Variants in IQGAP1 observed in about 807,000 individuals in gnomAD.
The protein encoded by IQGAP1 is IQ motif containing GTPase activating protein 1, also known as ras GTPase-activating-like protein IQGAP1.
IQGAP1 carries 66 observed loss-of-function variants against 215.6 expected under a neutral mutation model. That is an observed-to-expected ratio of 0.31 (90% CI 0.25 to 0.38). The LOEUF (loss-of-function observed/expected upper bound fraction) is 0.38. Among genes scored for constraint, IQGAP1 ranks in the 10% least tolerant of loss-of-function variants. The pLI is 1.00. For missense variants in IQGAP1, 1,712 were observed against 1,997.1 expected (o/e 0.86, Z 2.72); for synonymous variants, 772 against 728.7 (o/e 1.06, Z -0.96).
chr15:90,480,280 G>A (rs776758572), intron 26 of IQGAP1, among the ~76,000 whole-genome samples: 1 of 151,308 alleles, frequency 6.6e-6, no homozygotes, highest in Non-Finnish European at 1.5e-5. Context: ...ACCAGTGACT[G>A]TGAGGGATGG....
intron 4 of IQGAP1, 79 bp downstream of exon 4, chr15:90,429,745 C>T: frequency 2.5e-6 from 2 of 793,808 alleles, no homozygotes; most frequent in Non-Finnish European, 2.0e-6. Flanking sequence ...TCTCATTCTA[C>T]CTGTAAAATT....
chr15:90,421,796 G>A (rs1965140329), intron 2 of IQGAP1, among the ~76,000 whole-genome samples: 1 of 152,156 alleles, frequency 6.6e-6, no homozygotes, highest in South Asian at 2.1e-4. Flanking sequence ...TAGTGGCTGG[G>A]ATTGCAGGCA....
chr15:90,389,887 C>T (rs796638542), intron 1 of IQGAP1, among the ~76,000 whole-genome samples: 6 of 148,378 alleles, frequency 4.0e-5, no homozygotes, highest in African/African-American at 9.9e-5. Context: ...CCCAGAAAGT[C>T]GAGGCTGCAG....
In IQGAP1 at chr15:90,473,879, G is replaced by A. The variant is rs1378686631; in HGVS notation, c.2434-17G>A. Reference sequence around the variant, plus strand: ...AGATGAAGGACTCTTCTAATTTCCAGGATCCCTTTTCCACAGATTCAGTCC... The same window carrying A: ...AGATGAAGGACTCTTCTAATTTCCAAGATCCCTTTTCCACAGATTCAGTCC... On this transcript the variant is annotated splice_polypyrimidine_tract_variant and intron_variant, in intron 20 of 37. Transcript: ENST00000268182. The A allele has an allele frequency of 6.2e-7, 1 of 1,613,566 alleles. No individual in the cohort carries two copies. Among genetic ancestry groups the A allele is most frequent in the Admixed American group, 1.7e-5 (1 of 59,958 alleles).
At position 90,474,857 on chromosome 15, in the gene IQGAP1, GGTT is replaced by G. The variant is rs988249349; in HGVS notation, c.2784+167_2784+169del. 3 of 602,074 alleles carry G rather than the reference GGTT, an allele frequency of 5.0e-6. No individual in the cohort carries two copies. The African/African-American group carries it at 5.6e-5, about 11-fold the overall frequency. The allele number at this position is 602,074 out of a possible 1,614,324, so 37.3% of individuals were successfully genotyped here. On this transcript the variant is annotated intron_variant, in intron 23 of 37. Transcript: ENST00000268182. The stretch of plus-strand genomic sequence containing the variant: ...TGACTGAGTCTCACTCTGTTGCCCA[GGTT>G]GTAGTGCGATGTGATCTCAGCTCAC...
chr15:90,436,912 A>G (rs991074471), intron 5 of IQGAP1, among the ~76,000 whole-genome samples: 4 of 152,232 alleles, frequency 2.6e-5, no homozygotes, highest in African/African-American at 9.6e-5. Context: ...AGCACCTTTA[A>G]TTTACCACTG....
intron 4 of IQGAP1, among the ~76,000 whole-genome samples, chr15:90,433,052 T>C (rs1965324155): frequency 6.6e-6 from 1 of 152,198 alleles, no homozygotes; most frequent in South Asian, 2.1e-4. Flanking sequence ...CCTGCCTTCG[T>C]GTGGCTTATA....
chr15:90,432,813 T>C (rs1262910959), intron 4 of IQGAP1, among the ~76,000 whole-genome samples: 1 of 152,204 alleles, frequency 6.6e-6, no homozygotes, highest in East Asian at 1.9e-4. Context: ...ATTCAGTCTT[T>C]TGCTTCTCCG....
intron 5 of IQGAP1, among the ~76,000 whole-genome samples, chr15:90,437,778 A>T (rs927466620): frequency 6.6e-6 from 1 of 152,172 alleles, no homozygotes; most frequent in Non-Finnish European, 1.5e-5. Context: ...ACCTCAAGCT[A>T]TCCTCCTGCC....
At chr15:90,494,455 T>A (rs765242127) in intron 35 of IQGAP1, 5 of 255,438 alleles carry the variant, frequency 2.0e-5, no homozygotes, top group Non-Finnish European at 3.8e-5. Context: ...CATGGGAGGA[T>A]TAAGACACTG....
chr15:90,498,099 A>C (rs917017059), intron 37 of IQGAP1, among the ~76,000 whole-genome samples: 1 of 116,062 alleles, frequency 8.6e-6, no homozygotes, highest in Non-Finnish European at 1.7e-5. Flanking sequence ...GAGTACTTCC[A>C]TGGGTGTGCC....
At position 90,442,970 on chromosome 15, in the gene IQGAP1, T is replaced by G. The variant is rs139201643; in HGVS notation, c.829-424T>G. Reference sequence around the variant, plus strand: ...CTGGGTGACAGAGTGAGACTCTGTCTCAAAAAAAAGACAGAATCTCGCTCA... The same window carrying G: ...CTGGGTGACAGAGTGAGACTCTGTCGCAAAAAAAAGACAGAATCTCGCTCA... On this transcript the variant is annotated intron_variant, in intron 8 of 37. Coordinates refer to ENST00000268182, the MANE Select transcript of IQGAP1 (RefSeq NM_003870.4). 2.1e-3 allele frequency among the ~76,000 whole-genome samples: 311 copies of G among 151,626 alleles called. 1 individual carries two copies. Among genetic ancestry groups the G allele is most frequent in the African/African-American group, 7.3e-3 (301 of 41,388 alleles).
chr15:90,424,184 T>G (rs142378200), intron 2 of IQGAP1, among the ~76,000 whole-genome samples: 69 of 152,266 alleles, frequency 4.5e-4, no homozygotes, highest in African/African-American at 1.6e-3. Context: ...CAACATCCTT[T>G]TTAGCAGTAA....
intron 18 of IQGAP1, among the ~76,000 whole-genome samples, chr15:90,469,074 A>C (rs1282732721): frequency 6.6e-6 from 1 of 152,156 alleles, no homozygotes; most frequent in Non-Finnish European, 1.5e-5. Flanking sequence ...TACTTTCTCA[A>C]AGGGGAAGTT....
At chr15:90,401,549 C>A (rs1230469217) in intron 2 of IQGAP1, among the ~76,000 whole-genome samples, 3 of 152,222 alleles carry the variant, frequency 2.0e-5, no homozygotes, top group African/African-American at 7.2e-5. Context: ...CCCCCTCTTC[C>A]TCATTGTCAT....
At chr15:90,400,492 AAAAG>A (rs778483540) in intron 2 of IQGAP1, among the ~76,000 whole-genome samples, 12 of 152,170 alleles carry the variant, frequency 7.9e-5, no homozygotes, top group Non-Finnish European at 1.3e-4. Context: ...CAAGGTGAAA[AAAAG>A]GAGCAGGTAG....
chr15:90,449,708 T>A, intron 11 of IQGAP1, 65 bp downstream of exon 11: 1 of 1,326,478 alleles, frequency 7.5e-7, no homozygotes, highest in African/African-American at 1.5e-5. Context: ...GGGTCTGAGG[T>A]TAGCTTCTGT....
Position 90,434,460 on chromosome 15 carries a change from A to C in IQGAP1, c.467+665A>C, listed in dbSNP as rs972941268. On this transcript the variant is annotated intron_variant, in intron 5 of 37. Coordinates refer to ENST00000268182, the MANE Select transcript of IQGAP1 (RefSeq NM_003870.4). ...TCTAAAAAAAAATAATAATAATCAT[A>C]ATAATAATAATAATTTTTGTACCAA... is the stretch of plus-strand genomic sequence containing the variant. Among the ~76,000 whole-genome samples, 19 of 151,886 alleles carry C rather than the reference A, an allele frequency of 1.3e-4. 1 individual carries two copies. In the South Asian group the frequency reaches 1.7e-3, roughly 13 times the overall value.
At chr15:90,445,944 T>G (rs1234161902) in intron 9 of IQGAP1, among the ~76,000 whole-genome samples, 1 of 152,064 alleles carries the variant, frequency 6.6e-6, no homozygotes, top group East Asian at 1.9e-4. Context: ...AGATTTCTTC[T>G]GCCTCAGCCT....
Sources: allele counts gnomAD v4.1 joint callset (sites outside exome capture counted in the v4.1 genomes callset), GRCh38; gene constraint gnomAD v4.1.1; transcripts MANE v1.5; gene names NCBI Gene and HGNC (gene_info 2026-07-23, HGNC 2026-07-21).